SIDT1: variants seen among roughly 807,000 people sequenced by gnomAD.
SIDT1 encodes the protein SID1 transmembrane family, member 1.
A neutral mutation model predicts 107.5 loss-of-function variants in SIDT1; 101 were observed. That is an observed-to-expected ratio of 0.94 (90% confidence interval 0.80 to 1.11). SIDT1 has a LOEUF of 1.11. SIDT1 is among the 50% of genes least tolerant of loss of function. The pLI is 0.00. For missense variants in SIDT1, 1,076 were observed against 1,058.2 expected (o/e 1.02, Z -0.23); for synonymous variants, 395 against 398.2 (o/e 0.99, Z 0.10).
chr3:113,605,665 A>G (rs1945275016), intron 14 of SIDT1, among the ~76,000 whole-genome samples: 1 of 152,202 alleles, frequency 6.6e-6, no homozygotes, highest in Non-Finnish European at 1.5e-5. Flanking sequence ...TAGCTAATCT[A>G]GCCTGTGCCT....
chr3:113,537,124 C>T (rs1938263829), intron 1 of SIDT1, among the ~76,000 whole-genome samples: 2 of 152,240 alleles, frequency 1.3e-5, no homozygotes, highest in South Asian at 4.1e-4. Flanking sequence ...CACTGGGCAA[C>T]AGGCTGTCTT....
chr3:113,620,770 C>T (rs1486728326), intron 21 of SIDT1, among the ~76,000 whole-genome samples: 1 of 152,214 alleles, frequency 6.6e-6, no homozygotes, highest in Non-Finnish European at 1.5e-5. Flanking sequence ...GCAGACTCCA[C>T]AGTCCTGGTG....
intron 15 of SIDT1, 23 bp from the exon 16 acceptor site, chr3:113,608,071 T>C: frequency 1.3e-6 from 2 of 1,553,654 alleles, no homozygotes; most frequent in Non-Finnish European, 8.7e-7. Context: ...GACTCTCTCA[T>C]GGTCTCTCAC....
chr3:113,595,360 C>T (rs1944468123), intron 10 of SIDT1, among the ~76,000 whole-genome samples: 1 of 152,034 alleles, frequency 6.6e-6, no homozygotes, highest in African/African-American at 2.4e-5. Flanking sequence ...ATTGTTTGGG[C>T]CTAGGAGTTC....
At chr3:113,621,097 ATTACTTTC>A (rs1306434284) in intron 21 of SIDT1, among the ~76,000 whole-genome samples, 2 of 152,216 alleles carry the variant, frequency 1.3e-5, no homozygotes, top group Admixed American at 1.3e-4. Flanking sequence ...TTTAAAAAGA[ATTACTTTC>A]GTATGGTCCT....
intron 21 of SIDT1, 71 bp downstream of exon 21, chr3:113,619,797 A>G: frequency 7.3e-7 from 1 of 1,372,338 alleles, no homozygotes; most frequent in Non-Finnish European, 1.0e-6. Context: ...GCTTTCCTTG[A>G]CTGTCATTTT....
At chr3:113,595,440 C>T (rs963435989) in intron 10 of SIDT1, among the ~76,000 whole-genome samples, 3 of 151,986 alleles carry the variant, frequency 2.0e-5, no homozygotes, top group African/African-American at 4.8e-5. Flanking sequence ...ATTAGGTGGG[C>T]GTGGTGGTGT....
intron 21 of SIDT1, among the ~76,000 whole-genome samples, chr3:113,622,203 G>A (rs1193619067): frequency 1.1e-4 from 16 of 152,114 alleles, no homozygotes; most frequent in African/African-American, 3.1e-4. Context: ...GGTGGCTCAC[G>A]CCTGTAATCC....
At chr3:113,602,120 C>T (rs970652099) in intron 11 of SIDT1, 1 of 153,492 alleles carries the variant, frequency 6.5e-6, no homozygotes, top group African/African-American at 2.4e-5. Context: ...ATAATTGAAC[C>T]TGCTCACTGC....
intron 3 of SIDT1, among the ~76,000 whole-genome samples, chr3:113,575,697 T>G (rs951773393): frequency 3.9e-5 from 6 of 152,372 alleles, no homozygotes; most frequent in African/African-American, 1.4e-4. Context: ...GCTCAAATTT[T>G]ATGACTTCTA....
chr3:113,604,923 A>G lies in SIDT1; in HGVS notation c.1351A>G (p.Ile451Val), dbSNP rs758299406. The G allele has an allele frequency of 6.2e-7, 1 of 1,614,068 alleles. No individual in the cohort carries two copies. The highest frequency in any genetic ancestry group is 2.2e-5 in the East Asian group (1 of 44,886). Residue 451 changes from isoleucine to valine, a missense_variant, in exon 14 of 25, where the codon ATT becomes GTT. Coordinates refer to ENST00000264852, the MANE Select transcript of SIDT1 (RefSeq NM_017699.3). ...CTGCCTGCATAGGAACATCATCACC[A>G]TTGCTGTGTTTTACGCGCTGCCCGT... ...YKIYFWNIIT[I>V]AVFYALPVIQ...
intron 1 of SIDT1, among the ~76,000 whole-genome samples, chr3:113,553,103 C>T (rs888078507): frequency 2.6e-5 from 4 of 152,290 alleles, no homozygotes; most frequent in African/African-American, 9.6e-5. Context: ...CTCTGAGCAT[C>T]AGAGTGAATT....
intron 10 of SIDT1, among the ~76,000 whole-genome samples, chr3:113,600,709 G>A (rs890107285): frequency 3.3e-5 from 5 of 152,188 alleles, no homozygotes; most frequent in Admixed American, 6.5e-5. Flanking sequence ...TACTGTGCTC[G>A]AAAGATTTGA....
intron 3 of SIDT1, among the ~76,000 whole-genome samples, chr3:113,570,228 C>T (rs1334758199): frequency 6.6e-6 from 1 of 152,164 alleles, no homozygotes; most frequent in African/African-American, 2.4e-5. Flanking sequence ...TAAAAATCTA[C>T]TTGTGATATT....
At chr3:113,617,223 A>G (rs1946170745) in intron 20 of SIDT1, among the ~76,000 whole-genome samples, 1 of 152,228 alleles carries the variant, frequency 6.6e-6, no homozygotes, top group Non-Finnish European at 1.5e-5. Context: ...ACACTTCCAC[A>G]TTATGCATTT....
Position 113,604,905 on chromosome 3 carries a change from C to T in SIDT1, c.1338-5C>T, listed in dbSNP as rs759381442. On this transcript the variant is annotated splice_region_variant and splice_polypyrimidine_tract_variant and intron_variant, in intron 13 of 24. Coordinates refer to ENST00000264852, the MANE Select transcript of SIDT1 (RefSeq NM_017699.3). ...AAGCATTTCTGGTTCTTTCTGCCTG[C>T]ATAGGAACATCATCACCATTGCTGT... 38 of 1,614,076 alleles carry T rather than the reference C, an allele frequency of 2.4e-5. 1 individual carries two copies. In the South Asian group the frequency reaches 4.2e-4, roughly 18 times the overall value.
rs1272903889 is a variant in SIDT1 at position 113,621,503 on chromosome 3, T to C, written c.2090+1777T>C. The stretch of plus-strand genomic sequence containing the variant: ...TTCAAAATGAACAAAGAGAGTCCAT[T>C]AATAGTACTTTACACTTTAAATACT... On this transcript the variant is annotated intron_variant, in intron 21 of 24. Transcript: ENST00000264852. Among the ~76,000 whole-genome samples, 5 of 152,096 alleles carry C rather than the reference T, an allele frequency of 3.3e-5. No individual in the cohort carries two copies. In the East Asian group the frequency reaches 9.6e-4, roughly 29 times the overall value.
chr3:113,630,162 C>A (rs549505995), downstream of SIDT1, among the ~76,000 whole-genome samples: 5 of 152,198 alleles, frequency 3.3e-5, 1 homozygote, highest in South Asian at 1.0e-3. Flanking sequence ...AGGAGCGTAA[C>A]CGGAGAAAAG....
At chr3:113,624,144 G>A (rs530971751) in intron 23 of SIDT1, among the ~76,000 whole-genome samples, 10 of 152,328 alleles carry the variant, frequency 6.6e-5, no homozygotes, top group African/African-American at 2.4e-4. Flanking sequence ...TGGTATATCT[G>A]AGGCACAGAA....
Sources: allele counts gnomAD v4.1 joint callset (sites outside exome capture counted in the v4.1 genomes callset), GRCh38; gene constraint gnomAD v4.1.1; transcripts MANE v1.5; gene names NCBI Gene and HGNC (gene_info 2026-07-23, HGNC 2026-07-21).